The following SLC26A7 variants were observed in gnomAD, a reference collection of about 807,000 sequenced individuals.
SLC26A7 encodes anion exchange transporter.
In SLC26A7, 59 loss-of-function variants were observed where a neutral mutation model predicts 82.5. That is an observed-to-expected ratio of 0.72 (90% CI 0.58 to 0.89). The LOEUF (loss-of-function observed/expected upper bound fraction) is 0.89, where lower values mean the gene tolerates loss of function less well. Ranked by LOEUF, SLC26A7 falls within the 40% of genes least tolerant of loss-of-function variation. SLC26A7 has a pLI of 0.00. For missense variants in SLC26A7, 820 were observed against 793.0 expected, an observed-to-expected ratio of 1.03 and a Z score of -0.41; for synonymous variants, 271 against 274.3, an observed-to-expected ratio of 0.99 and a Z score of 0.12.
chr8:91,334,837 A>G (rs1401041207), intron 6 of SLC26A7, among the ~76,000 whole-genome samples: 2 of 152,176 alleles, frequency 1.3e-5, no homozygotes, highest in African/African-American at 2.4e-5. Flanking sequence ...TAAGATATGT[A>G]TAGAAATATT....
upstream of SLC26A7, among the ~76,000 whole-genome samples, chr8:91,245,345 G>T (rs1810530730): frequency 6.6e-6 from 1 of 152,150 alleles, no homozygotes; most frequent in Admixed American, 6.5e-5. Flanking sequence ...AAGAATTAAA[G>T]CAGAGGTTGG....
At chr8:91,362,498 G>A (rs1485428921) in intron 12 of SLC26A7, 39 bp downstream of exon 12, 3 of 1,493,156 alleles carry the variant, frequency 2.0e-6, no homozygotes, top group Admixed American at 1.7e-5. Context: ...TTTTTGCACA[G>A]CAGCAAAATA....
upstream of SLC26A7, among the ~76,000 whole-genome samples, chr8:91,245,110 AT>A (rs1345408991): frequency 6.6e-6 from 1 of 152,146 alleles, no homozygotes; most frequent in East Asian, 1.9e-4. Flanking sequence ...ATGTAAGAGT[AT>A]TTTTTAAATA....
At chr8:91,336,888 C>T (rs373878320) in intron 6 of SLC26A7, among the ~76,000 whole-genome samples, 1 of 151,896 alleles carries the variant, frequency 6.6e-6, no homozygotes, top group East Asian at 1.9e-4. Context: ...CTTTATAGCT[C>T]TCAATATTTT....
chr8:91,234,129 A>G lies in SLC26A7; in HGVS notation c.-34+15124A>G, dbSNP rs557474869. On this transcript the variant is annotated intron_variant, in intron 2 of 5. Transcript: ENST00000522862. ...TTCTTTTTCACTAGTATAATCCTCA[A>G]TTCTCTGAAAGTTCTGGTATCTGTT... is the stretch of plus-strand genomic sequence containing the variant. 7.9e-5 allele frequency among the ~76,000 whole-genome samples: 12 copies of G among 152,308 alleles called. No individual in the cohort carries two copies. The East Asian group carries it at 1.7e-3, about 22-fold the overall frequency.
intron 5 of SLC26A7, among the ~76,000 whole-genome samples, chr8:91,321,802 A>G (rs1342367177): frequency 2.0e-5 from 3 of 152,108 alleles, no homozygotes. Flanking sequence ...TTTCAGGTAT[A>G]TATTGGGAAA....
chr8:91,344,321 A>G, intron 9 of SLC26A7: 1 of 456,378 alleles, frequency 2.2e-6, no homozygotes, highest in Non-Finnish European at 2.9e-6. Context: ...ACCCAGATAG[A>G]TTTACTTCAA....
At chr8:91,337,507 G>A (rs1470549140) in intron 6 of SLC26A7, among the ~76,000 whole-genome samples, 2 of 152,106 alleles carry the variant, frequency 1.3e-5, no homozygotes, top group African/African-American at 2.4e-5. Flanking sequence ...AGATGATTAT[G>A]GGTATAGGCA....
chr8:91,234,791 CCCTACCTACCTACCTA>C (rs68154003), intron 2 of SLC26A7, among the ~76,000 whole-genome samples: 2 of 121,462 alleles, frequency 1.6e-5, no homozygotes, highest in Non-Finnish European at 3.5e-5. Context: ...TTCCCTCCCT[CCCTACCTACCTACCTA>C]CCTACCTACC....
chr8:91,280,636 C>G (rs1811546035), intron 2 of SLC26A7, among the ~76,000 whole-genome samples: 1 of 152,198 alleles, frequency 6.6e-6, no homozygotes, highest in African/African-American at 2.4e-5. Context: ...GTGGAATTAC[C>G]ACAGATTCTT....
chr8:91,230,127 T>C (rs1810292425), intron 2 of SLC26A7, among the ~76,000 whole-genome samples: 1 of 152,212 alleles, frequency 6.6e-6, no homozygotes, highest in Admixed American at 6.5e-5. Context: ...TATTGTTGCA[T>C]ATATCACGAG....
intron 16 of SLC26A7, among the ~76,000 whole-genome samples, chr8:91,392,460 C>T (rs1191659472): frequency 6.6e-6 from 1 of 152,122 alleles, no homozygotes; most frequent in East Asian, 1.9e-4. Context: ...AAGTGTCTAG[C>T]AGTTAGGAAG....
At chr8:91,378,571 A>T (rs1206511087) in intron 15 of SLC26A7, among the ~76,000 whole-genome samples, 1 of 151,596 alleles carries the variant, frequency 6.6e-6, no homozygotes, top group Non-Finnish European at 1.5e-5. Context: ...AAAAGGGGAA[A>T]CTAGTCTGAA....
chr8:91,270,225 T>C (rs1811231629), intron 2 of SLC26A7, among the ~76,000 whole-genome samples: 1 of 152,196 alleles, frequency 6.6e-6, no homozygotes, highest in Non-Finnish European at 1.5e-5. Context: ...AGGTACTCTT[T>C]GGTGGTACTA....
At position 91,340,743 on chromosome 8, in the gene SLC26A7, T is replaced by A. The variant is rs538473516; in HGVS notation, c.1026+192T>A. The A allele has an allele frequency of 1.9e-5, 12 of 630,338 alleles. No homozygotes were observed. In the South Asian group the frequency reaches 2.0e-4, roughly 10 times the overall value. 39.0% of individuals were successfully genotyped at this position (630,338 alleles called of 1,614,324 possible). A position where few individuals can be genotyped will look rare whatever the true frequency, so the allele number is the denominator to read the frequency against. On this transcript the variant is annotated intron_variant, in intron 8 of 18. Coordinates refer to ENST00000276609, the MANE Select transcript of SLC26A7 (RefSeq NM_052832.4). Reference sequence around the variant, plus strand: ...AAAACCTGACATTGATTGTTCACAATGCTTTTTATTTTGGTTAAAATAGAA... The same window carrying A: ...AAAACCTGACATTGATTGTTCACAAAGCTTTTTATTTTGGTTAAAATAGAA...
chr8:91,260,100 T>C (rs1810920505), intron 2 of SLC26A7, among the ~76,000 whole-genome samples: 1 of 152,136 alleles, frequency 6.6e-6, no homozygotes, highest in African/African-American at 2.4e-5. Flanking sequence ...TTAACACTGC[T>C]GTAAAGAAAT....
chr8:91,235,424 A>G (rs964184571), intron 2 of SLC26A7, among the ~76,000 whole-genome samples: 1 of 152,210 alleles, frequency 6.6e-6, no homozygotes, highest in African/African-American at 2.4e-5. Flanking sequence ...TAAATTATCC[A>G]TGTTCATATC....
chr8:91,241,801 G>C (rs1810477408), intron 2 of SLC26A7, among the ~76,000 whole-genome samples: 1 of 152,100 alleles, frequency 6.6e-6, no homozygotes, highest in African/African-American at 2.4e-5. Flanking sequence ...CACATAAAAA[G>C]CTGCGTGACC....
At chr8:91,279,153 ATATATATATATATG>A (rs1246061232) in intron 2 of SLC26A7, among the ~76,000 whole-genome samples, 2,067 of 110,786 alleles carry the variant, frequency 0.019, 59 homozygotes, top group African/African-American at 0.073. Flanking sequence ...ATATATATAT[ATATATATATATATG>A]TATCACATTT....
Sources: gnomAD v4.1 joint callset for allele counts (sites outside exome capture counted in the v4.1 genomes callset) on GRCh38, gnomAD v4.1.1 for gene constraint, MANE v1.5 for transcripts, NCBI Gene and HGNC (gene_info 2026-07-23, HGNC 2026-07-21) for gene names.